Variants in PPP1R13B observed in about 807,000 individuals in gnomAD.
PPP1R13B encodes the protein protein phosphatase 1 regulatory subunit 13B.
A neutral mutation model predicts 119.8 loss-of-function variants in PPP1R13B; 44 were observed. The observed-to-expected ratio is 0.37, with a 90% CI of 0.29 to 0.47. The LOEUF (loss-of-function observed/expected upper bound fraction) is 0.47. PPP1R13B is among the 20% of genes least tolerant of loss of function. PPP1R13B has a pLI of 0.99. For synonymous variants in PPP1R13B, 542 were observed against 561.5 expected, an observed-to-expected ratio of 0.97 and a Z score of 0.49; for missense variants, 1,227 against 1,413.5, an observed-to-expected ratio of 0.87 and a Z score of 2.12.
intron 4 of PPP1R13B, among the ~76,000 whole-genome samples, chr14:103,771,450 T>C (rs1595750509): frequency 6.7e-6 from 1 of 150,324 alleles, no homozygotes; most frequent in Admixed American, 6.7e-5. Context: ...AAAGAGCAAC[T>C]AAGAAGATTT....
chr14:103,736,089 G>C lies in PPP1R13B; in HGVS notation c.3145C>G (p.Leu1049Val), dbSNP rs745691268. The C allele has an allele frequency of 6.2e-7, 1 of 1,614,242 alleles. No individual in the cohort carries two copies. The highest frequency in any genetic ancestry group is 8.5e-7 in the Non-Finnish European group (1 of 1,180,032). Residue 1049 changes from leucine to valine, a missense_variant, in exon 16 of 17, where the codon CTG becomes GTG. Coordinates refer to ENST00000202556, the MANE Select transcript of PPP1R13B (RefSeq NM_015316.3). ...SFHEGDALTI[L>V]RRKDESETEW... ...GTCTCGCTTTCGTCCTTGCGCCTCA[G>C]GATGGTGAGGGCGTCCCCTTCGTGG...
rs781438129 is a variant in PPP1R13B, at chr14:103,734,580, AC to A, written c.*573del. 6 of 456,308 alleles carry A rather than the reference AC, an allele frequency of 1.3e-5. No homozygotes were observed. The Admixed American group carries it at 1.4e-4, about 11-fold the overall frequency. The allele number at this position is 456,308 out of a possible 1,614,324, so 28.3% of individuals were successfully genotyped here. A position where few individuals can be genotyped will look rare whatever the true frequency, so the allele number is the denominator to read the frequency against. ...TAGGTGAACTGGAACAGGAAGCGGA[AC>A]CCCCAAGGCGGCCGAGCAGAGTGGG... On this transcript the variant is annotated 3_prime_UTR_variant, in exon 17 of 17. Transcript: ENST00000202556.
chr14:103,809,976 G>A (rs985538594), intron 1 of PPP1R13B, among the ~76,000 whole-genome samples: 7 of 151,342 alleles, frequency 4.6e-5, no homozygotes, highest in Non-Finnish European at 8.8e-5. Flanking sequence ...AGAGGCATGC[G>A]CCACCATGCC....
At chr14:103,761,039 T>C (rs997663152) in intron 4 of PPP1R13B, among the ~76,000 whole-genome samples, 3 of 152,174 alleles carry the variant, frequency 2.0e-5, no homozygotes, top group Admixed American at 6.6e-5. Flanking sequence ...CCACGCATGA[T>C]GGCTCACGGC....
chr14:103,847,723 C>G, upstream of PPP1R13B: 2 of 761,962 alleles, frequency 2.6e-6, no homozygotes, highest in Non-Finnish European at 3.2e-6. Context: ...GCCCGCTACC[C>G]TCGCTCTCAG....
chr14:103,772,679 T>C (rs2152006603), intron 4 of PPP1R13B, among the ~76,000 whole-genome samples: 1 of 151,078 alleles, frequency 6.6e-6, no homozygotes, highest in South Asian at 2.1e-4. Flanking sequence ...CTTTTTCTTT[T>C]TTTTTTTTTT....
intron 14 of PPP1R13B, 63 bp from the exon 15 acceptor site, chr14:103,737,923 CAG>C: frequency 6.6e-7 from 1 of 1,512,108 alleles, no homozygotes; most frequent in Non-Finnish European, 8.9e-7. Flanking sequence ...ACGTGGCCCT[CAG>C]AGATTTCCCT....
intron 1 of PPP1R13B, chr14:103,847,040 T>A: frequency 9.4e-7 from 1 of 1,058,762 alleles, no homozygotes; most frequent in Non-Finnish European, 1.1e-6. Context: ...CGGCCCCAAA[T>A]GCATCTGCTT....
chr14:103,848,552 G>C, upstream of PPP1R13B: 1 of 935,720 alleles, frequency 1.1e-6, no homozygotes, highest in South Asian at 4.9e-5. Context: ...CGGCAGCACC[G>C]AACTCCCACG....
chr14:103,798,862 G>A (rs920547036), intron 1 of PPP1R13B, among the ~76,000 whole-genome samples: 11 of 151,872 alleles, frequency 7.2e-5, no homozygotes, highest in African/African-American at 2.7e-4. Context: ...GTTAATTTTT[G>A]TATTTTCTGT....
intron 7 of PPP1R13B, among the ~76,000 whole-genome samples, chr14:103,750,322 AC>A (rs2084508136): frequency 6.6e-6 from 1 of 152,192 alleles, no homozygotes; most frequent in African/African-American, 2.4e-5. Context: ...CTCAAAAAGG[AC>A]CAAAAAGGAT....
intron 4 of PPP1R13B, chr14:103,762,771 G>A (rs993813044): frequency 1.3e-5 from 9 of 705,482 alleles, no homozygotes; most frequent in South Asian, 8.9e-5. Flanking sequence ...TGCTGTGGGG[G>A]CAGGTGGTGG....
intron 2 of PPP1R13B, among the ~76,000 whole-genome samples, chr14:103,795,920 C>A (rs1367868467): frequency 6.6e-6 from 1 of 152,104 alleles, no homozygotes; most frequent in Non-Finnish European, 1.5e-5. Flanking sequence ...AATTTATATA[C>A]CCACAAGGGA....
intron 1 of PPP1R13B, among the ~76,000 whole-genome samples, chr14:103,827,197 G>A (rs12890430): frequency 0.29 from 43,757 of 151,308 alleles, 6,754 homozygotes; most frequent in Non-Finnish European, 0.34. Context: ...GGTGGCAGGT[G>A]TGGTGGCACG....
intron 1 of PPP1R13B, among the ~76,000 whole-genome samples, chr14:103,798,153 T>TC (rs11464777): frequency 2.0e-4 from 9 of 44,700 alleles, no homozygotes; most frequent in Non-Finnish European, 2.2e-4. Flanking sequence ...TAATAATCTC[T>TC]TTTTTTTTTT....
intron 15 of PPP1R13B, chr14:103,737,439 G>A (rs1354687718): frequency 1.3e-5 from 5 of 373,060 alleles, no homozygotes; most frequent in African/African-American, 2.1e-5. Flanking sequence ...AGCTGGCTGT[G>A]GTGGGACAAG....
chr14:103,795,297 T>C (rs1393067275), intron 2 of PPP1R13B, among the ~76,000 whole-genome samples: 1 of 152,062 alleles, frequency 6.6e-6, no homozygotes, highest in African/African-American at 2.4e-5. Context: ...TAACACCCTT[T>C]GAGATTCACG....
intron 2 of PPP1R13B, among the ~76,000 whole-genome samples, chr14:103,795,401 T>C (rs982594624): frequency 6.6e-6 from 1 of 152,122 alleles, no homozygotes; most frequent in Non-Finnish European, 1.5e-5. Flanking sequence ...CCACGGTAAA[T>C]GTACTGTGCT....
chr14:103,783,409 A>G (rs1374352527), intron 3 of PPP1R13B, among the ~76,000 whole-genome samples: 1 of 151,484 alleles, frequency 6.6e-6, no homozygotes, highest in East Asian at 2.0e-4. Flanking sequence ...ATAGGCGCAC[A>G]CCACCACATC....
Sources: gnomAD v4.1 joint callset for allele counts (sites outside exome capture counted in the v4.1 genomes callset) on GRCh38, gnomAD v4.1.1 for gene constraint, MANE v1.5 for transcripts, NCBI Gene and HGNC (gene_info 2026-07-23, HGNC 2026-07-21) for gene names.